P4HA1: variants seen among roughly 807,000 people sequenced by gnomAD.
P4HA1 encodes prolyl 4-hydroxylase subunit alpha 1.
Under a neutral mutation model 72.8 loss-of-function variants are expected in P4HA1, and 24 were observed. The observed-to-expected ratio is 0.33, with a 90% CI of 0.24 to 0.46. P4HA1 has a LOEUF of 0.46. Ranked by LOEUF, P4HA1 falls within the 20% of genes least tolerant of loss-of-function variation. The pLI is 1.00. For missense variants in P4HA1, 446 were observed against 640.6 expected (o/e 0.70, Z 3.28); for synonymous variants, 201 against 218.8 (o/e 0.92, Z 0.72).
chr10:73,089,940 G>A (rs1162540695), intron 1 of P4HA1, among the ~76,000 whole-genome samples: 1 of 152,114 alleles, frequency 6.6e-6, no homozygotes, highest in Non-Finnish European at 1.5e-5. Context: ...GGCTTTGGGT[G>A]AGTCTCCCAC....
chr10:73,034,286 G>A (rs950176240), intron 9 of P4HA1, among the ~76,000 whole-genome samples: 2 of 151,712 alleles, frequency 1.3e-5, no homozygotes, highest in Non-Finnish European at 2.9e-5. Context: ...TTAAATTATG[G>A]TAAAATATAT....
At chr10:73,036,706 A>T (rs1840584781) in intron 9 of P4HA1, among the ~76,000 whole-genome samples, 1 of 152,154 alleles carries the variant, frequency 6.6e-6, no homozygotes, top group South Asian at 2.1e-4. Flanking sequence ...CCCAAAATAC[A>T]TTAAGACTTT....
intron 10 of P4HA1, among the ~76,000 whole-genome samples, chr10:73,018,912 C>G (rs990429223): frequency 6.6e-5 from 10 of 152,010 alleles, no homozygotes; most frequent in African/African-American, 2.4e-4. Flanking sequence ...GACCCTGTAC[C>G]CTAACACCCA....
chr10:73,073,391 T>C (rs1841612921), intron 3 of P4HA1, among the ~76,000 whole-genome samples: 1 of 151,800 alleles, frequency 6.6e-6, no homozygotes, highest in South Asian at 2.1e-4. Context: ...CCGACTAGTT[T>C]TGTGTTTTTA....
chr10:73,084,308 A>AT (rs1841881923), intron 1 of P4HA1, among the ~76,000 whole-genome samples: 1 of 152,184 alleles, frequency 6.6e-6, no homozygotes, highest in South Asian at 2.1e-4. Context: ...GACTAATTGT[A>AT]TTGTTTGGGG....
intron 9 of P4HA1, among the ~76,000 whole-genome samples, chr10:73,042,387 C>CA (rs1281937670): frequency 2.0e-5 from 3 of 152,128 alleles, no homozygotes. Flanking sequence ...CAGTAATCTT[C>CA]AAAATTTCTC....
intron 4 of P4HA1, among the ~76,000 whole-genome samples, chr10:73,070,141 C>CTT (rs1564634009): frequency 8.9e-6 from 1 of 112,564 alleles, no homozygotes; most frequent in East Asian, 3.0e-4. Context: ...AGAGACCAGG[C>CTT]CTTTTTTTTT....
Position 73,038,836 on chromosome 10 carries a change from C to T in P4HA1, c.1148+6145G>A, listed in dbSNP as rs1031161924. On this transcript the variant is annotated intron_variant, in intron 9 of 14. Coordinates refer to ENST00000394890, the MANE Select transcript of P4HA1 (RefSeq NM_001017962.3). The stretch of plus-strand genomic sequence containing the variant: ...AGAGACGAGGTTTCACCGTTTTAGC[C>T]GGGATGGTCTCGATCTCCTGACCTC... 1.6e-4 allele frequency among the ~76,000 whole-genome samples: 18 copies of T among 112,466 alleles called. 1 individual carries two copies. Among genetic ancestry groups the T allele is most frequent in the Non-Finnish European group, 2.5e-4 (15 of 60,022 alleles). The allele number at this position is 112,466 out of a possible 152,430, so 73.8% of individuals were successfully genotyped here.
intron 5 of P4HA1, among the ~76,000 whole-genome samples, chr10:73,062,445 TTTCTCTCAGA>T (rs1841333678): frequency 6.6e-6 from 1 of 152,062 alleles, no homozygotes; most frequent in Non-Finnish European, 1.5e-5. Context: ...TCCAACAACA[TTTCTCTCAGA>T]ATATACAGTT....
intron 10 of P4HA1, among the ~76,000 whole-genome samples, chr10:73,027,251 T>C (rs932591029): frequency 1.3e-5 from 2 of 152,132 alleles, no homozygotes; most frequent in African/African-American, 4.8e-5. Flanking sequence ...ATGTACACCA[T>C]GGAATACCAT....
rs778903942 is a variant in P4HA1, at chr10:73,053,571, A to G, written c.483T>C (p.Phe161=). ...ACTCAAAGCAGTCCTCAGCCGTTAGAAAAGATTTGTGTTTCACTCCTATGA... is the reference window on the plus strand; with the variant it reads ...ACTCAAAGCAGTCCTCAGCCGTTAGGAAAGATTTGTGTTTCACTCCTATGA... The part of the protein sequence containing the change: ...GNLPGVKHKS[F]LTAEDCFELG... Residue 161 remains phenylalanine, a synonymous_variant, in exon 6 of 15, where the codon TTT becomes TTC. Coordinates refer to ENST00000394890, the MANE Select transcript of P4HA1 (RefSeq NM_001017962.3). 3 of 1,613,888 alleles carry G rather than the reference A, an allele frequency of 1.9e-6. No homozygotes were observed. Among genetic ancestry groups the G allele is most frequent in the South Asian group, 2.2e-5 (2 of 91,018 alleles).
chr10:73,011,001 GA>G lies in P4HA1; in HGVS notation c.1404del (p.Pro469LeufsTer38). ...SDVSAGGATV[F>X]PEVGASVWPK... ...GGCCAAACACTAGCTCCAACTTCAG[GA>G]AAAACAGTGGCTCCTCCTGCAGACA... On this transcript the variant is annotated frameshift_variant, in exon 13 of 15. Coordinates refer to ENST00000394890, the MANE Select transcript of P4HA1 (RefSeq NM_001017962.3). LOFTEE classifies it high-confidence loss of function. The G allele has an allele frequency of 6.2e-7, 1 of 1,613,510 alleles. No homozygotes were observed. Among genetic ancestry groups the G allele is most frequent in the Non-Finnish European group, 8.5e-7 (1 of 1,179,686 alleles).
At chr10:73,041,834 C>A (rs1263015465) in intron 9 of P4HA1, among the ~76,000 whole-genome samples, 4 of 151,298 alleles carry the variant, frequency 2.6e-5, no homozygotes, top group Non-Finnish European at 5.9e-5. Context: ...TTTTCTATTT[C>A]TTTTCTCTTT....
intron 10 of P4HA1, among the ~76,000 whole-genome samples, chr10:73,024,040 G>A (rs1305634976): frequency 6.6e-6 from 1 of 152,118 alleles, no homozygotes; most frequent in Admixed American, 6.5e-5. Context: ...CAATAATAAT[G>A]AGAGACTTTA....
chr10:73,019,155 C>G (rs1307671563), intron 10 of P4HA1, among the ~76,000 whole-genome samples: 1 of 152,192 alleles, frequency 6.6e-6, no homozygotes. Flanking sequence ...GCTACCACCA[C>G]TGCAAACTTC....
chr10:73,007,679 T>A lies in P4HA1; in HGVS notation c.*543A>T, dbSNP rs1187748720. The A allele has an allele frequency of 6.6e-6, 1 of 152,184 alleles. No homozygotes were observed. Among genetic ancestry groups the A allele is most frequent in the Non-Finnish European group, 1.5e-5 (1 of 68,080 alleles). 9.4% of individuals were successfully genotyped at this position (152,184 alleles called of 1,614,324 possible). A position where few individuals can be genotyped will look rare whatever the true frequency, so the allele number is the denominator to read the frequency against. Reference sequence around the variant, plus strand: ...AGGGGGTTGGTAAAATACAGTATACTTTCTTTAAAAAAGACTTGGGAGGAA... The same window carrying A: ...AGGGGGTTGGTAAAATACAGTATACATTCTTTAAAAAAGACTTGGGAGGAA... On this transcript the variant is annotated 3_prime_UTR_variant, in exon 15 of 15. Transcript: ENST00000394890.
At position 73,070,142 on chromosome 10, in the gene P4HA1, C is replaced by CTTTTTTT. The variant is rs71021546; in HGVS notation, c.326-1166_326-1160dup. On this transcript the variant is annotated intron_variant, in intron 4 of 14. Coordinates refer to ENST00000394890, the MANE Select transcript of P4HA1 (RefSeq NM_001017962.3). ...TATTTTGAACAGCAAGAGACCAGGC[C>CTTTTTTT]TTTTTTTTTTTTTTTTTTTTTTTTT... Among the ~76,000 whole-genome samples, 143 of 64,510 alleles carry CTTTTTTT rather than the reference C, an allele frequency of 2.2e-3. 7 individuals are homozygous for CTTTTTTT. The highest frequency in any genetic ancestry group is 6.3e-3 in the East Asian group (12 of 1,894). 42.3% of individuals were successfully genotyped at this position (64,510 alleles called of 152,430 possible). A position where few individuals can be genotyped will look rare whatever the true frequency, so the allele number is the denominator to read the frequency against.
intron 10 of P4HA1, among the ~76,000 whole-genome samples, chr10:73,024,854 T>C (rs1296077630): frequency 1.3e-5 from 2 of 152,174 alleles, no homozygotes; most frequent in Non-Finnish European, 2.9e-5. Context: ...CAGAGAATAC[T>C]ATAAACACCT....
intron 10 of P4HA1, among the ~76,000 whole-genome samples, chr10:73,023,179 C>T (rs190624381): frequency 2.0e-5 from 3 of 152,084 alleles, no homozygotes; most frequent in African/African-American, 4.8e-5. Flanking sequence ...AGAGCAACCA[C>T]AAGACACGTA....
Sources: gnomAD v4.1 joint callset for allele counts (sites outside exome capture counted in the v4.1 genomes callset) on GRCh38, gnomAD v4.1.1 for gene constraint, MANE v1.5 for transcripts, NCBI Gene and HGNC (gene_info 2026-07-23, HGNC 2026-07-21) for gene names.